KCNH5: variants seen among roughly 807,000 people sequenced by gnomAD.
The protein encoded by KCNH5 is potassium voltage-gated channel subfamily H member 5, also known as voltage-gated delayed rectifier potassium channel KCNH5.
KCNH5 carries 46 observed loss-of-function variants against 96.1 expected under a neutral mutation model. That is an observed-to-expected ratio of 0.48 (90% CI 0.38 to 0.61). The LOEUF is 0.61. Among genes scored for constraint, KCNH5 ranks in the 20% least tolerant of loss-of-function variants. KCNH5 has a pLI of 0.00. For synonymous variants in KCNH5, 439 were observed against 449.8 expected (o/e 0.98, Z 0.30); for missense variants, 907 against 1,225.8 (o/e 0.74, Z 3.88).
At chr14:62,987,545 T>TGGG (rs1422847781) in intron 4 of KCNH5, among the ~76,000 whole-genome samples, 1 of 152,208 alleles carries the variant, frequency 6.6e-6, no homozygotes, top group Non-Finnish European at 1.5e-5. Context: ...TTCTTGCATC[T>TGGG]CAGTATGGCC....
intron 10 of KCNH5, among the ~76,000 whole-genome samples, chr14:62,779,383 A>T (rs1490367013): frequency 6.6e-6 from 1 of 152,228 alleles, no homozygotes; most frequent in Non-Finnish European, 1.5e-5. Context: ...AGCTTTAAAA[A>T]AATCCATATA....
chr14:62,985,089 G>A (rs1890680344), intron 5 of KCNH5, among the ~76,000 whole-genome samples: 1 of 152,126 alleles, frequency 6.6e-6, no homozygotes, highest in South Asian at 2.1e-4. Flanking sequence ...GGCAGAAGAG[G>A]AACTAGCTCC....
At chr14:63,032,382 T>C (rs548781954) in intron 1 of KCNH5, among the ~76,000 whole-genome samples, 27 of 152,300 alleles carry the variant, frequency 1.8e-4, no homozygotes, top group Admixed American at 4.6e-4. Context: ...GAAGAATCAG[T>C]GCAGGCAGTC....
At chr14:62,823,765 TTCA>T (rs1887161700) in intron 8 of KCNH5, among the ~76,000 whole-genome samples, 2 of 152,112 alleles carry the variant, frequency 1.3e-5, no homozygotes, top group African/African-American at 4.8e-5. Context: ...AAAATTGGCA[TTCA>T]TCATTATCTA....
chr14:62,772,320 T>C (rs1266843763), intron 10 of KCNH5, among the ~76,000 whole-genome samples: 2 of 152,228 alleles, frequency 1.3e-5, no homozygotes, highest in East Asian at 3.9e-4. Context: ...TAATATCTTT[T>C]TAAAAATAAC....
chr14:62,847,741 T>C (rs1011750281), intron 8 of KCNH5, among the ~76,000 whole-genome samples: 14 of 152,236 alleles, frequency 9.2e-5, no homozygotes, highest in Admixed American at 7.9e-4. Context: ...TTCGTTCTAT[T>C]ACTCCATTTT....
intron 9 of KCNH5, among the ~76,000 whole-genome samples, chr14:62,794,048 C>T (rs1886489341): frequency 6.6e-6 from 1 of 151,882 alleles, no homozygotes; most frequent in Non-Finnish European, 1.5e-5. Context: ...GAACTCATGA[C>T]ATTCACACTC....
chr14:62,804,708 C>G (rs1055068301), intron 8 of KCNH5, among the ~76,000 whole-genome samples: 2 of 152,184 alleles, frequency 1.3e-5, no homozygotes, highest in Non-Finnish European at 2.9e-5. Flanking sequence ...TTTAATTCCT[C>G]TAAACCTCAT....
chr14:62,730,064 A>G (rs1885017450), intron 10 of KCNH5, among the ~76,000 whole-genome samples: 1 of 152,202 alleles, frequency 6.6e-6, no homozygotes, highest in African/African-American at 2.4e-5. Context: ...ATTTTCTGTG[A>G]ATTTTCAGTT....
chr14:62,839,029 C>T (rs1396688014), intron 8 of KCNH5, among the ~76,000 whole-genome samples: 5 of 151,946 alleles, frequency 3.3e-5, no homozygotes, highest in Admixed American at 3.3e-4. Context: ...GACTTGGCAC[C>T]CCTTATTCTC....
At chr14:62,797,834 G>C (rs1222940631) in intron 9 of KCNH5, among the ~76,000 whole-genome samples, 1 of 151,708 alleles carries the variant, frequency 6.6e-6, no homozygotes, top group Non-Finnish European at 1.5e-5. Flanking sequence ...TCATGCCTCA[G>C]CCTCCCAAAT....
chr14:62,706,902 C>G lies in KCNH5; in HGVS notation c.*606G>C, dbSNP rs1389807922. On this transcript the variant is annotated 3_prime_UTR_variant, in exon 11 of 11. Transcript: ENST00000322893. ...GGTATAGTTGATCAAAAATGTAATT[C>G]ATGCACAAAACCCATAGCAATAAGT... The G allele has an allele frequency of 1.3e-5, 2 of 152,162 alleles. No homozygotes were observed. The highest frequency in any genetic ancestry group is 6.5e-5 in the Admixed American group (1 of 15,284). 9.4% of individuals were successfully genotyped at this position (152,162 alleles called of 1,614,324 possible). A position where few individuals can be genotyped will look rare whatever the true frequency, so the allele number is the denominator to read the frequency against.
chr14:62,880,512 G>T (rs1888471576), intron 7 of KCNH5, among the ~76,000 whole-genome samples: 1 of 152,182 alleles, frequency 6.6e-6, no homozygotes, highest in South Asian at 2.1e-4. Context: ...GAGCACACTG[G>T]ATATTGTGGC....
At chr14:62,729,498 T>C (rs1223507173) in intron 10 of KCNH5, among the ~76,000 whole-genome samples, 1 of 152,180 alleles carries the variant, frequency 6.6e-6, no homozygotes, top group African/African-American at 2.4e-5. Context: ...AAAACAACTA[T>C]TGAGTTTCCA....
chr14:62,830,803 T>A (rs116306134), intron 8 of KCNH5, among the ~76,000 whole-genome samples: 1,544 of 151,956 alleles, frequency 0.01, 25 homozygotes, highest in African/African-American at 0.036. Flanking sequence ...AGGGAAGATA[T>A]TTTTTCTGTA....
At chr14:62,893,494 G>A (rs149739442) in intron 7 of KCNH5, among the ~76,000 whole-genome samples, 2 of 152,300 alleles carry the variant, frequency 1.3e-5, no homozygotes, top group East Asian at 3.9e-4. Context: ...GATGGCTCAA[G>A]CCTGTAATCC....
rs576506235 is a variant in KCNH5 at position 62,708,218 on chromosome 14, C to A, written c.2257G>T (p.Val753Leu). 6.8e-6 allele frequency: 11 copies of A among 1,614,210 alleles called. No homozygotes were observed. The South Asian group carries it at 1.1e-4, about 16-fold the overall frequency. ...ATGGGAGTAATCTGTGACACAGTCA[C>A]CACGCTGGTTCCGGTGATGGAGGCT... ...NGASITGTSV[V>L]TVSQITPIQT... The change falls in exon 11 of 11, where the codon GTG (valine) becomes TTG (leucine). Residue 753 changes from valine to leucine, a missense_variant. Val to Leu is a conservative substitution (Grantham distance 32, BLOSUM62 1). Around this residue, in one of 6 missense-constraint regions of KCNH5, gnomAD observed 362 missense variants for 394.4 expected, o/e 0.92. Transcript: ENST00000322893.
chr14:62,873,613 A>G (rs1291920524), intron 7 of KCNH5, among the ~76,000 whole-genome samples: 1 of 152,258 alleles, frequency 6.6e-6, no homozygotes, highest in Non-Finnish European at 1.5e-5. Context: ...GTTTGAAGGC[A>G]TTTAAGAAAT....
intron 10 of KCNH5, among the ~76,000 whole-genome samples, chr14:62,737,041 T>A (rs186502412): frequency 9.7e-4 from 148 of 152,292 alleles, no homozygotes; most frequent in African/African-American, 3.4e-3. Context: ...TTGCTCCTTA[T>A]CTTCTTTAAG....
Sources: allele counts gnomAD v4.1 joint callset (sites outside exome capture counted in the v4.1 genomes callset), GRCh38; gene constraint gnomAD v4.1.1; regional missense constraint gnomAD v4.1.1; transcripts MANE v1.5; gene names NCBI Gene and HGNC (gene_info 2026-07-23, HGNC 2026-07-21).